Variants in URM1 observed in about 807,000 individuals in gnomAD.
URM1 encodes the protein ubiquitin related modifier 1.
A neutral mutation model predicts 17.7 loss-of-function variants in URM1; 11 were observed. The observed-to-expected ratio is 0.62, with a 90% CI of 0.39 to 1.03. The LOEUF (loss-of-function observed/expected upper bound fraction) is 1.03, where lower values mean the gene tolerates loss of function less well. Among genes scored for constraint, URM1 ranks in the 50% least tolerant of loss-of-function variants. URM1 has a pLI of 0.00. For synonymous variants in URM1, 48 were observed against 50.6 expected (o/e 0.95, Z 0.22); for missense variants, 128 against 129.2 (o/e 0.99, Z 0.04).
At position 128,387,905 on chromosome 9, in the gene URM1, C is replaced by T; in HGVS notation, c.188+8C>T. 1.2e-6 allele frequency: 2 copies of T among 1,613,888 alleles called. No homozygotes were observed. Among genetic ancestry groups the T allele is most frequent in the African/African-American group, 1.3e-5 (1 of 75,016 alleles). ...CATCCAGGGAGACAGCGTGTGAGTCCCACTCCTCCCTTCCCTGAAGCAGGT... is the reference window on the plus strand; with the variant it reads ...CATCCAGGGAGACAGCGTGTGAGTCTCACTCCTCCCTTCCCTGAAGCAGGT... On this transcript the variant is annotated splice_region_variant and intron_variant, in intron 3 of 4. Coordinates refer to ENST00000372853, the MANE Select transcript of URM1 (RefSeq NM_030914.4). The surrounding 1 kb of genome is among the most constrained non-coding windows in gnomAD (Gnocchi z 4.3).
chr9:128,374,489 G>A (rs1168433957), intron 1 of URM1, among the ~76,000 whole-genome samples: 1 of 151,774 alleles, frequency 6.6e-6, no homozygotes, highest in Admixed American at 6.6e-5. Context: ...AGAAAACGAG[G>A]CTCTTGGAAG....
chr9:128,374,039 G>T (rs772785374), intron 1 of URM1, among the ~76,000 whole-genome samples: 1 of 152,148 alleles, frequency 6.6e-6, no homozygotes, highest in Non-Finnish European at 1.5e-5. Flanking sequence ...GAATTGGGGG[G>T]GTTGAAGGAA....
intron 1 of URM1, 123 bp from the exon 2 acceptor site, chr9:128,377,913 C>T: frequency 1.1e-6 from 1 of 939,386 alleles, no homozygotes; most frequent in Non-Finnish European, 1.7e-6. Context: ...GGTGTTTCTG[C>T]ACCTTAGTCT....
chr9:128,391,895 A>C lies in URM1; in HGVS notation c.*2161A>C, dbSNP rs1833321423. On this transcript the variant is annotated 3_prime_UTR_variant, in exon 5 of 5. Transcript: ENST00000372853. ...AGGTCATTTTTAGCCCTAGACTGGAAAGGGGTCAGGGGACAGGTGACCTGG... is the reference window on the plus strand; with the variant it reads ...AGGTCATTTTTAGCCCTAGACTGGACAGGGGTCAGGGGACAGGTGACCTGG... 1 of 152,252 alleles carries C rather than the reference A, an allele frequency of 6.6e-6. No individual in the cohort carries two copies. The highest frequency in any genetic ancestry group is 1.5e-5 in the Non-Finnish European group (1 of 68,060). 9.4% of individuals were successfully genotyped at this position (152,252 alleles called of 1,614,324 possible).
At chr9:128,372,026 G>A (rs897305722) in intron 1 of URM1, among the ~76,000 whole-genome samples, 2 of 152,078 alleles carry the variant, frequency 1.3e-5, no homozygotes, top group Non-Finnish European at 2.9e-5. Context: ...GAACTAACAG[G>A]GACAGTATAG....
At position 128,389,274 on chromosome 9, in the gene URM1, C is replaced by G; in HGVS notation, c.202C>G (p.Leu68Val). The G allele has an allele frequency of 2.5e-6, 4 of 1,602,920 alleles. No homozygotes were observed. The highest frequency in any genetic ancestry group is 3.4e-6 in the Non-Finnish European group (4 of 1,172,482). Reference sequence around the variant, plus strand: ...TCTTTCCCACAGGCGGCCAGGAATTCTGGTGCTGATTAACGATGCCGACTG... The same window carrying G: ...TCTTTCCCACAGGCGGCCAGGAATTGTGGTGCTGATTAACGATGCCGACTG... ...IQGDSVRPGI[L>V]VLINDADWEL... The change falls in exon 4 of 5, where the codon CTG becomes GTG. Residue 68 changes from leucine to valine, a missense_variant. Physicochemically the swap from Leu to Val is conservative, Grantham distance 32 (BLOSUM62 1). Coordinates refer to ENST00000372853, the MANE Select transcript of URM1 (RefSeq NM_030914.4).
rs752487273 is a variant in URM1, at chr9:128,389,379, T to C, written c.237+70T>C. 2 of 1,613,658 alleles carry C rather than the reference T, an allele frequency of 1.2e-6. No individual in the cohort carries two copies. The highest frequency in any genetic ancestry group is 4.5e-5 in the East Asian group (2 of 44,874). Reference sequence around the variant, plus strand: ...TGCTTCAGTGGGAAAGCGTTGGGCCTCTCCTCAGGCACATATAGAGTGGCT... The same window carrying C: ...TGCTTCAGTGGGAAAGCGTTGGGCCCCTCCTCAGGCACATATAGAGTGGCT... On this transcript the variant is annotated intron_variant, in intron 4 of 4. Coordinates refer to ENST00000372853, the MANE Select transcript of URM1 (RefSeq NM_030914.4).
At chr9:128,386,875 G>A (rs895003185) in intron 2 of URM1, among the ~76,000 whole-genome samples, 3 of 152,222 alleles carry the variant, frequency 2.0e-5, no homozygotes, top group Non-Finnish European at 2.9e-5. Context: ...GAGGCGAGTT[G>A]TCTCCCTGGG....
Position 128,387,786 on chromosome 9 carries a change from CAAG to C in URM1, c.107-28_107-26del. 1 of 1,613,700 alleles carries C rather than the reference CAAG, an allele frequency of 6.2e-7. No individual in the cohort carries two copies. The highest frequency in any genetic ancestry group is 1.7e-5 in the Admixed American group (1 of 59,998). On this transcript the variant is annotated intron_variant, in intron 2 of 4. Transcript: ENST00000372853. This position sits in a 1 kb window ranked among gnomAD's most constrained non-coding sequence, Gnocchi z 4.3. ...GTGGGCAGGTGCTATTTGGGTTTGACAAGAGTTTGTTCTGTGCATTCCTTTCCA... is the reference window on the plus strand; with the variant it reads ...GTGGGCAGGTGCTATTTGGGTTTGACAGTTTGTTCTGTGCATTCCTTTCCA...
rs949207282 is a variant in URM1 at position 128,387,342 on chromosome 9, G to A, written c.107-474G>A. On this transcript the variant is annotated intron_variant, in intron 2 of 4. Coordinates refer to ENST00000372853, the MANE Select transcript of URM1 (RefSeq NM_030914.4). The surrounding 1 kb of genome is among the most constrained non-coding windows in gnomAD (Gnocchi z 4.3). ...CAATTGTTTTTTTCCCCTCACAAAG[G>A]GAAATATATGCAGACCCCTCCAAGA... is the stretch of plus-strand genomic sequence containing the variant. 1.3e-5 allele frequency among the ~76,000 whole-genome samples: 2 copies of A among 152,182 alleles called. No individual in the cohort carries two copies. The highest frequency in any genetic ancestry group is 1.5e-5 in the Non-Finnish European group (1 of 68,030).
chr9:128,371,904 A>G (rs1833018972), intron 1 of URM1, among the ~76,000 whole-genome samples: 1 of 152,102 alleles, frequency 6.6e-6, no homozygotes. Context: ...AGACTTGGGG[A>G]TGGTAAACAG....
At chr9:128,388,957 C>T in intron 3 of URM1, 1 of 1,220,332 alleles carries the variant, frequency 8.2e-7, no homozygotes, top group Non-Finnish European at 1.0e-6. Context: ...TAGACAGTAT[C>T]ACTTATCCCA....
intron 1 of URM1, among the ~76,000 whole-genome samples, chr9:128,372,705 G>T (rs1272916734): frequency 6.6e-6 from 1 of 152,146 alleles, no homozygotes; most frequent in Admixed American, 6.5e-5. Context: ...CAAAGCCTGG[G>T]ATTCTAGGAG....
intron 1 of URM1, among the ~76,000 whole-genome samples, chr9:128,376,297 G>A (rs1371894992): frequency 6.6e-6 from 1 of 152,144 alleles, no homozygotes; most frequent in Non-Finnish European, 1.5e-5. Flanking sequence ...AGGAGGTTAA[G>A]GTTGTATCAA....
chr9:128,376,439 C>G (rs1564409757), intron 1 of URM1, among the ~76,000 whole-genome samples: 1 of 149,938 alleles, frequency 6.7e-6, no homozygotes, highest in African/African-American at 2.5e-5. Context: ...GCAGGTGGAT[C>G]ACGAGGTCAG....
At position 128,371,388 on chromosome 9, in the gene URM1, C is replaced by T. The variant is rs1348811148; in HGVS notation, c.8C>T (p.Ala3Val). Residue 3 changes from alanine to valine, a missense_variant, in exon 1 of 5, where the codon GCG (alanine) becomes GTG (valine). Coordinates refer to ENST00000372853, the MANE Select transcript of URM1 (RefSeq NM_030914.4). ...GAGCTCGGCTTCCTCAACATGGCTG[C>T]GCCCTTGTCAGTGGAGGTGGAGTTC... MA[A>V]PLSVEVEFGG... The T allele has an allele frequency of 4.3e-6, 7 of 1,612,816 alleles. No homozygotes were observed. Among genetic ancestry groups the T allele is most frequent in the Admixed American group, 3.3e-5 (2 of 59,934 alleles).
At chr9:128,381,034 C>T (rs1162816406) in intron 2 of URM1, among the ~76,000 whole-genome samples, 1 of 152,096 alleles carries the variant, frequency 6.6e-6, no homozygotes, top group Non-Finnish European at 1.5e-5. Context: ...CCATGTTAGC[C>T]AGGATGGTCT....
At position 128,387,788 on chromosome 9, in the gene URM1, A is replaced by G. The variant is rs1460339611; in HGVS notation, c.107-28A>G. 2 of 1,613,208 alleles carry G rather than the reference A, an allele frequency of 1.2e-6. No homozygotes were observed. Among genetic ancestry groups the G allele is most frequent in the Non-Finnish European group, 1.7e-6 (2 of 1,179,624 alleles). Reference sequence around the variant, plus strand: ...GGGCAGGTGCTATTTGGGTTTGACAAGAGTTTGTTCTGTGCATTCCTTTCC... The same window carrying G: ...GGGCAGGTGCTATTTGGGTTTGACAGGAGTTTGTTCTGTGCATTCCTTTCC... On this transcript the variant is annotated intron_variant, in intron 2 of 4. Coordinates refer to ENST00000372853, the MANE Select transcript of URM1 (RefSeq NM_030914.4). This position sits in a 1 kb window ranked among gnomAD's most constrained non-coding sequence, Gnocchi z 4.3.
In URM1 at chr9:128,389,719, T is replaced by C. The variant is rs368570056; in HGVS notation, c.291T>C (p.Thr97=). 3 of 1,613,380 alleles carry C rather than the reference T, an allele frequency of 1.9e-6. No individual in the cohort carries two copies. Among genetic ancestry groups the C allele is most frequent in the Non-Finnish European group, 2.5e-6 (3 of 1,180,000 alleles). Residue 97 remains threonine, a synonymous_variant, in exon 5 of 5, where the codon ACT becomes ACC. Transcript: ENST00000372853. ...AGGACAGCGTCCTCTTCATCTCCAC[T>C]CTGCACGGCGGCTGAGGGCCCTTCT... The part of the protein sequence containing the change: ...QDQDSVLFIS[T]LHGG
Sources: allele counts gnomAD v4.1 joint callset (sites outside exome capture counted in the v4.1 genomes callset), GRCh38; gene constraint gnomAD v4.1.1; non-coding constraint Gnocchi (gnomAD v3.1); transcripts MANE v1.5; gene names NCBI Gene and HGNC (gene_info 2026-07-23, HGNC 2026-07-21).